ADAMTS3: variants seen among roughly 807,000 people sequenced by gnomAD.
ADAMTS3 encodes the protein A disintegrin and metalloproteinase with thrombospondin motifs 3.
A neutral mutation model predicts 129.0 loss-of-function variants in ADAMTS3; 73 were observed. That is an observed-to-expected ratio of 0.57 (90% CI 0.47 to 0.69). ADAMTS3 has a LOEUF of 0.69. Among genes scored for constraint, ADAMTS3 ranks in the 30% least tolerant of loss-of-function variants. The probability of loss-of-function intolerance (pLI) is 0.00; values close to 1 mark genes in which losing one functional copy is unlikely to be tolerated. For missense variants in ADAMTS3, 1,457 were observed against 1,514.5 expected, an observed-to-expected ratio of 0.96 and a Z score of 0.63; for synonymous variants, 477 against 510.8, an observed-to-expected ratio of 0.93 and a Z score of 0.89.
chr4:72,425,827 A>T (rs1722558949), intron 3 of ADAMTS3, among the ~76,000 whole-genome samples: 2 of 151,750 alleles, frequency 1.3e-5, no homozygotes, highest in African/African-American at 4.8e-5. Flanking sequence ...AGCATGATTT[A>T]TAGTCCTTTG....
intron 4 of ADAMTS3, among the ~76,000 whole-genome samples, chr4:72,393,262 C>T (rs1721646363): frequency 6.6e-6 from 1 of 152,098 alleles, no homozygotes; most frequent in African/African-American, 2.4e-5. Flanking sequence ...TAGTTTCCAT[C>T]TCCTTCCTTC....
intron 3 of ADAMTS3, among the ~76,000 whole-genome samples, chr4:72,432,271 T>C (rs1242065892): frequency 6.6e-6 from 1 of 151,886 alleles, no homozygotes; most frequent in African/African-American, 2.4e-5. Context: ...GCATCCTCCA[T>C]GCCACATAAT....
At chr4:72,309,667 C>T (rs1185706592) in intron 14 of ADAMTS3, 147 bp from the exon 15 acceptor site, 2 of 774,962 alleles carry the variant, frequency 2.6e-6, no homozygotes, top group Non-Finnish European at 3.9e-6. Flanking sequence ...TTTTTAATAC[C>T]TCAGTTTTTT....
intron 21 of ADAMTS3, 89 bp downstream of exon 21, chr4:72,288,662 A>G: frequency 1.2e-6 from 1 of 837,338 alleles, no homozygotes; most frequent in South Asian, 1.5e-5. Context: ...GTAAACAAAT[A>G]TAAATTCTAT....
At chr4:72,542,203 C>T (rs150130496) in intron 3 of ADAMTS3, among the ~76,000 whole-genome samples, 219 of 152,184 alleles carry the variant, frequency 1.4e-3, no homozygotes, top group African/African-American at 4.9e-3. Flanking sequence ...CTTGCTCTGT[C>T]GCCTAGGCTG....
At chr4:72,326,097 G>C (rs1329092296) in intron 5 of ADAMTS3, among the ~76,000 whole-genome samples, 13 of 151,978 alleles carry the variant, frequency 8.6e-5, no homozygotes, top group Admixed American at 8.5e-4. Flanking sequence ...TAGAAAACAG[G>C]GTGACCCAGT....
At chr4:72,532,341 G>A (rs964228594) in intron 3 of ADAMTS3, among the ~76,000 whole-genome samples, 1 of 152,078 alleles carries the variant, frequency 6.6e-6, no homozygotes, top group Non-Finnish European at 1.5e-5. Flanking sequence ...CAGCCCTATT[G>A]CATATTCCTC....
intron 3 of ADAMTS3, among the ~76,000 whole-genome samples, chr4:72,477,169 C>T (rs1719259522): frequency 6.6e-6 from 1 of 152,074 alleles, no homozygotes; most frequent in African/African-American, 2.4e-5. Context: ...ATAGATTGAA[C>T]TCAGCTCTGT....
At chr4:72,506,324 T>C (rs555771181) in intron 3 of ADAMTS3, among the ~76,000 whole-genome samples, 1 of 152,300 alleles carries the variant, frequency 6.6e-6, no homozygotes, top group African/African-American at 2.4e-5. Context: ...CAATGGCACA[T>C]GCAGACCAGA....
In ADAMTS3 at chr4:72,399,859, TAC is replaced by T. The variant is rs1560501370; in HGVS notation, c.661+14954_661+14955del. The stretch of plus-strand genomic sequence containing the variant: ...TATATATACACACACGGTGTGTATA[TAC>T]GTGTGTATATATACACACACGGTGT... On this transcript the variant is annotated intron_variant, in intron 4 of 21. Transcript: ENST00000286657. 1.9e-3 allele frequency among the ~76,000 whole-genome samples: 178 copies of T among 95,962 alleles called. 43 individuals carry two copies. Among genetic ancestry groups the T allele is most frequent in the East Asian group, 4.4e-3 (13 of 2,964 alleles). The allele number at this position is 95,962 out of a possible 152,430, so 63.0% of individuals were successfully genotyped here. A position where few individuals can be genotyped will look rare whatever the true frequency, so the allele number is the denominator to read the frequency against.
At chr4:72,538,402 C>A (rs1721234562) in intron 3 of ADAMTS3, among the ~76,000 whole-genome samples, 1 of 151,962 alleles carries the variant, frequency 6.6e-6, no homozygotes, top group Non-Finnish European at 1.5e-5. Context: ...AGAAGTGATT[C>A]ATCACATTAC....
intron 3 of ADAMTS3, among the ~76,000 whole-genome samples, chr4:72,432,820 G>C (rs181069381): frequency 2.0e-5 from 3 of 151,786 alleles, no homozygotes; most frequent in Admixed American, 2.0e-4. Flanking sequence ...CACAGCAAAA[G>C]AAAATGTGTA....
intron 6 of ADAMTS3, among the ~76,000 whole-genome samples, chr4:72,321,345 GT>G (rs33935571): frequency 6.0e-5 from 9 of 148,898 alleles, no homozygotes; most frequent in African/African-American, 1.7e-4. Flanking sequence ...CTTTTTTTTT[GT>G]TTTTTTTTGT....
chr4:72,421,275 A>G (rs1722438183), intron 3 of ADAMTS3, among the ~76,000 whole-genome samples: 1 of 152,092 alleles, frequency 6.6e-6, no homozygotes, highest in Non-Finnish European at 1.5e-5. Context: ...TTCACTCTCT[A>G]TCCTAACTTT....
chr4:72,363,489 T>C (rs979682394), intron 4 of ADAMTS3, among the ~76,000 whole-genome samples: 8 of 152,206 alleles, frequency 5.3e-5, no homozygotes, highest in Admixed American at 5.2e-4. Context: ...TAATGCAATG[T>C]CAATCAACAT....
chr4:72,309,394 T>A lies in ADAMTS3; in HGVS notation c.2179+3A>T. ...ACTAAATCCATGAGAGACCTCATCTTACCAAGCTTCCTGGGAGTTCTGGTA... is the reference window on the plus strand; with the variant it reads ...ACTAAATCCATGAGAGACCTCATCTAACCAAGCTTCCTGGGAGTTCTGGTA... On this transcript the variant is annotated splice_donor_region_variant and intron_variant, in intron 15 of 21. Transcript: ENST00000286657. 1.2e-6 allele frequency: 2 copies of A among 1,611,464 alleles called. No homozygotes were observed. Among genetic ancestry groups the A allele is most frequent in the Non-Finnish European group, 1.7e-6 (2 of 1,178,134 alleles).
At chr4:72,412,308 C>T (rs2109922892) in intron 4 of ADAMTS3, among the ~76,000 whole-genome samples, 1 of 152,042 alleles carries the variant, frequency 6.6e-6, no homozygotes, top group Admixed American at 6.6e-5. Flanking sequence ...CCAGAAAAGG[C>T]ACTATTTTAT....
At chr4:72,455,139 T>C (rs933453382) in intron 3 of ADAMTS3, among the ~76,000 whole-genome samples, 5 of 151,616 alleles carry the variant, frequency 3.3e-5, no homozygotes, top group African/African-American at 1.2e-4. Context: ...AAAAACTGAG[T>C]TAACTTTTTA....
At chr4:72,387,294 C>T (rs375948027) in intron 4 of ADAMTS3, among the ~76,000 whole-genome samples, 1 of 152,164 alleles carries the variant, frequency 6.6e-6, no homozygotes, top group African/African-American at 2.4e-5. Flanking sequence ...AATCATGAAA[C>T]AGATGTCCAC....
Sources: gnomAD v4.1 joint callset for allele counts (sites outside exome capture counted in the v4.1 genomes callset) on GRCh38, gnomAD v4.1.1 for gene constraint, MANE v1.5 for transcripts, NCBI Gene and HGNC (gene_info 2026-07-23, HGNC 2026-07-21) for gene names.